MID1: variants seen among roughly 807,000 people sequenced by gnomAD.
The protein encoded by MID1 is E3 ubiquitin-protein ligase Midline-1.
In MID1, 7 loss-of-function variants were observed where a neutral mutation model predicts 40.4. The observed-to-expected ratio is 0.17, with a 90% confidence interval of 0.10 to 0.33. The LOEUF (loss-of-function observed/expected upper bound fraction) is 0.33. Among genes scored for constraint, MID1 ranks in the 10% least tolerant of loss-of-function variants. The probability of loss-of-function intolerance (pLI) is 1.00; values close to 1 mark genes in which losing one functional copy is unlikely to be tolerated. For missense variants in MID1, 367 were observed against 558.5 expected (o/e 0.66, Z 3.46); for synonymous variants, 229 against 221.2 (o/e 1.04, Z -0.31).
intron 4 of MID1, 150 bp from the exon 5 acceptor site, chrX:10,482,778 C>T (rs1270228607): frequency 1.1e-5 from 6 of 558,192 alleles, no homozygotes; most frequent in Admixed American, 8.2e-5. Context: ...TGGAAAGCTC[C>T]GTTATGGGAC....
At chrX:10,625,038 A>G (rs1230678640), upstream of MID1, among the ~76,000 whole-genome samples, 1 of 112,138 alleles carries the variant, frequency 8.9e-6, no homozygotes, top group Non-Finnish European at 1.9e-5. Context: ...ATAATTTTTT[A>G]TTTAAATTTA....
In MID1 at chrX:10,744,137, C is replaced by T. The variant is rs368913869; in HGVS notation, c.-187+89417G>A. ...GAGGGGGTGTGAGCTGTGATAACAT[C>T]GGCCATGATAGCTCTGCCTCCTGGC... On this transcript the variant is annotated intron_variant, in intron 1 of 10. Transcript: ENST00000380785. Among the ~76,000 whole-genome samples, 3 of 111,463 alleles carry T rather than the reference C, an allele frequency of 2.7e-5. No individual in the cohort carries two copies. In the South Asian group the frequency reaches 1.1e-3, roughly 42 times the overall value.
At chrX:10,498,664 T>C (rs946713121) in intron 3 of MID1, among the ~76,000 whole-genome samples, 4 of 112,190 alleles carry the variant, frequency 3.6e-5, no homozygotes, top group Admixed American at 9.4e-5. Flanking sequence ...TTTCTGTCTC[T>C]TTATGGATTT....
At chrX:10,495,063 T>C (rs2216426) in intron 4 of MID1, among the ~76,000 whole-genome samples, 7,726 of 111,153 alleles carry the variant, frequency 0.07, 555 homozygotes, top group African/African-American at 0.21. Flanking sequence ...AAAAGAAGTA[T>C]TATTACTATA....
chrX:10,467,546 T>G (rs777107709), intron 7 of MID1, among the ~76,000 whole-genome samples: 1 of 112,158 alleles, frequency 8.9e-6, no homozygotes, highest in East Asian at 2.8e-4. Context: ...TGGCTATTTC[T>G]GCCTCAGTGA....
At position 10,567,417 on chromosome X, in the gene MID1, G is replaced by T; in HGVS notation, c.131C>A (p.Thr44Asn). 1 of 1,209,674 alleles carries T rather than the reference G, an allele frequency of 8.3e-7. No homozygotes were observed. The change falls in exon 2 of 10, where the codon ACC becomes AAC. Residue 44 changes from threonine to asparagine, a missense_variant. By Grantham distance (65) the Thr-to-Asn change is moderately conservative. Transcript: ENST00000317552. ...GGTGATGGACTCCACAGACTCGTTGGTGGCACAGTGTGATACTAGGATGCG... is the reference window on the plus strand; with the variant it reads ...GGTGATGGACTCCACAGACTCGTTGTTGGCACAGTGTGATACTAGGATGCG... Reference protein sequence around the residue: ...AHRILVSHCATNESVESITAF... With the variant: ...AHRILVSHCANNESVESITAF...
chrX:10,694,164 T>C (rs928329765), intron 1 of MID1, among the ~76,000 whole-genome samples: 1 of 112,166 alleles, frequency 8.9e-6, no homozygotes, highest in African/African-American at 3.2e-5. Context: ...AAACCTACCA[T>C]AAATTCCCTC....
At chrX:10,502,477 T>C (rs1383493979) in intron 3 of MID1, among the ~76,000 whole-genome samples, 1 of 111,779 alleles carries the variant, frequency 8.9e-6, no homozygotes, top group East Asian at 2.8e-4. Flanking sequence ...AGAGGGTTGC[T>C]GCACTGCACA....
At chrX:10,702,609 A>T (rs1205249721) in intron 1 of MID1, among the ~76,000 whole-genome samples, 2 of 112,478 alleles carry the variant, frequency 1.8e-5, no homozygotes, top group African/African-American at 6.4e-5. Flanking sequence ...TTCGAAGGCA[A>T]ACTCACATTT....
intron 1 of MID1, among the ~76,000 whole-genome samples, chrX:10,596,107 A>T (rs1217135296): frequency 1.8e-5 from 2 of 112,214 alleles, no homozygotes; most frequent in African/African-American, 6.5e-5. Context: ...CTAAACTTTA[A>T]TTTTGAAAAG....
intron 1 of MID1, among the ~76,000 whole-genome samples, chrX:10,724,218 A>C (rs1226533424): frequency 9.1e-6 from 1 of 109,619 alleles, no homozygotes; most frequent in East Asian, 2.9e-4. Flanking sequence ...GCACCACCAC[A>C]CCCGGTAATT....
intron 2 of MID1, among the ~76,000 whole-genome samples, chrX:10,544,956 G>A (rs1447846600): frequency 1.8e-5 from 2 of 111,671 alleles, no homozygotes; most frequent in Non-Finnish European, 3.8e-5. Context: ...TTGTTTGTTT[G>A]TTTTGTTTTG....
intron 1 of MID1, among the ~76,000 whole-genome samples, chrX:10,792,736 G>C (rs974402089): frequency 4.5e-5 from 5 of 111,406 alleles, no homozygotes; most frequent in African/African-American, 1.6e-4. Context: ...GGCTAGGGAC[G>C]GGGAAGTGGG....
At chrX:10,757,267 A>G (rs2043638372) in intron 1 of MID1, among the ~76,000 whole-genome samples, 1 of 112,441 alleles carries the variant, frequency 8.9e-6, no homozygotes, top group Non-Finnish European at 1.9e-5. Context: ...AGGTTTGCTG[A>G]AATTGGATTA....
intron 1 of MID1, among the ~76,000 whole-genome samples, chrX:10,615,953 G>T (rs1731494570): frequency 8.9e-6 from 1 of 112,230 alleles, no homozygotes; most frequent in Non-Finnish European, 1.9e-5. Flanking sequence ...CAGCGTATTT[G>T]ATATTCTCTT....
chrX:10,736,575 T>G (rs953184347), intron 1 of MID1, among the ~76,000 whole-genome samples: 2 of 112,192 alleles, frequency 1.8e-5, no homozygotes, highest in Admixed American at 9.4e-5. Flanking sequence ...CTTGGATACA[T>G]GGCAGGCATT....
intron 1 of MID1, among the ~76,000 whole-genome samples, chrX:10,636,738 T>G (rs895191207): frequency 1.1e-5 from 1 of 93,959 alleles, no homozygotes; most frequent in Non-Finnish European, 2.1e-5. Context: ...CAATCACAGA[T>G]GGACTATGGA....
chrX:10,686,049 C>A (rs1473845701), intron 1 of MID1, among the ~76,000 whole-genome samples: 1 of 111,578 alleles, frequency 9.0e-6, no homozygotes, highest in East Asian at 2.8e-4. Flanking sequence ...TGTGTCTGTG[C>A]CTCTTGCAGT....
chrX:10,802,852 G>T (rs1022792410), intron 1 of MID1, among the ~76,000 whole-genome samples: 5 of 112,063 alleles, frequency 4.5e-5, no homozygotes, highest in African/African-American at 1.6e-4. Flanking sequence ...GCCATAAAAA[G>T]AATGGAATTA....
Sources: gnomAD v4.1 joint callset for allele counts (sites outside exome capture counted in the v4.1 genomes callset) on GRCh38, gnomAD v4.1.1 for gene constraint, MANE v1.5 for transcripts, NCBI Gene and HGNC (gene_info 2026-07-23, HGNC 2026-07-21) for gene names.